The following SF3B3 variants were observed in gnomAD, a reference collection of about 807,000 sequenced individuals.
SF3B3 encodes the protein SAP 130.
Under a neutral mutation model 139.2 loss-of-function variants are expected in SF3B3, and 33 were observed. That is an observed-to-expected ratio of 0.24 (90% CI 0.18 to 0.32). The LOEUF (loss-of-function observed/expected upper bound fraction) is 0.32, where lower values mean the gene tolerates loss of function less well. Ranked by LOEUF, SF3B3 falls within the 10% of genes least tolerant of loss-of-function variation. The pLI is 1.00. For missense variants in SF3B3, 818 were observed against 1,509.4 expected (o/e 0.54, Z 7.59); for synonymous variants, 596 against 563.6 (o/e 1.06, Z -0.81).
intron 10 of SF3B3, among the ~76,000 whole-genome samples, chr16:70,548,008 C>A (rs1429059603): frequency 1.3e-5 from 2 of 152,064 alleles, no homozygotes; most frequent in African/African-American, 4.8e-5. Context: ...GGGATTTGGC[C>A]TTATGGGAGC....
rs182766448 is a variant in SF3B3, at chr16:70,555,194, C to T, written c.1698C>T (p.Phe566=). 95 of 1,613,710 alleles carry T rather than the reference C, an allele frequency of 5.9e-5. No homozygotes were observed. The highest frequency in any genetic ancestry group is 6.7e-5 in the Non-Finnish European group (79 of 1,179,722). The change falls in exon 13 of 26, where the codon TTC becomes TTT. Residue 566 remains phenylalanine, a synonymous_variant. Coordinates refer to ENST00000302516, the MANE Select transcript of SF3B3 (RefSeq NM_012426.5). The part of the protein sequence containing the change: ...IALTGGELVY[F]EMDPSGQLNE... ...TGACAGGAGGAGAGCTGGTCTATTT[C>T]GAGATGGATCCTGTATGTTATTTTA... is the stretch of plus-strand genomic sequence containing the variant.
chr16:70,558,395 A>G (rs1440597310), intron 15 of SF3B3, among the ~76,000 whole-genome samples: 1 of 151,726 alleles, frequency 6.6e-6, no homozygotes, highest in Non-Finnish European at 1.5e-5. Flanking sequence ...GTGGGAATGC[A>G]GGCATGAACC....
At position 70,568,439 on chromosome 16, in the gene SF3B3, A is replaced by G. The variant is rs773983738; in HGVS notation, c.3109A>G (p.Ser1037Gly). Residue 1037 changes from serine (S) to glycine (G), a missense_variant, in exon 22 of 26, where the codon AGC (serine) becomes GGC (glycine). Around this residue, in one of 14 missense-constraint regions of SF3B3, gnomAD observed 91 missense variants for 171.8 expected, o/e 0.53. Transcript: ENST00000302516. ...DTYPRWVTTA[S>G]LLDYDTVAGA... ...CTACCCCCGATGGGTCACTACAGCC[A>G]GCCTCCTGGACTATGACACTGTGGC... 1 of 1,613,970 alleles carries G rather than the reference A, an allele frequency of 6.2e-7. No individual in the cohort carries two copies. Among genetic ancestry groups the G allele is most frequent in the Non-Finnish European group, 8.5e-7 (1 of 1,179,934 alleles).
In SF3B3 at chr16:70,560,605, G is replaced by C. The variant is rs369817397; in HGVS notation, c.2133+14G>C. ...GGCCAGGAGGCAGTAAGTAATGAAG[G>C]TTGGGGACAGGCAACATCTTTGGGA... On this transcript the variant is annotated intron_variant, in intron 16 of 25. Transcript: ENST00000302516. 12 of 1,612,240 alleles carry C rather than the reference G, an allele frequency of 7.4e-6. No individual in the cohort carries two copies. The highest frequency in any genetic ancestry group is 9.3e-6 in the Non-Finnish European group (11 of 1,178,836).
Position 70,528,666 on chromosome 16 carries a change from G to A in SF3B3, c.71-207G>A, listed in dbSNP as rs565096498. Among the ~76,000 whole-genome samples the A allele has an allele frequency of 5.3e-5, 8 of 151,964 alleles. No individual in the cohort carries two copies. The East Asian group carries it at 1.4e-3, about 26-fold the overall frequency. On this transcript the variant is annotated intron_variant, in intron 2 of 25. Coordinates refer to ENST00000302516, the MANE Select transcript of SF3B3 (RefSeq NM_012426.5). ...GGAGTTTTGCTCTGTTGCCCAGGCCGGAGTGCAGTGGCACAGTCTTGGCTC... is the reference window on the plus strand; with the variant it reads ...GGAGTTTTGCTCTGTTGCCCAGGCCAGAGTGCAGTGGCACAGTCTTGGCTC...
intron 6 of SF3B3, among the ~76,000 whole-genome samples, chr16:70,536,165 A>AC (rs967513415): frequency 2.7e-5 from 4 of 147,450 alleles, no homozygotes; most frequent in African/African-American, 1.0e-4. Flanking sequence ...TTTCCCTCTC[A>AC]CCTTTTTTTC....
intron 9 of SF3B3, among the ~76,000 whole-genome samples, chr16:70,542,525 T>G (rs2050228908): frequency 6.6e-6 from 1 of 152,128 alleles, no homozygotes; most frequent in South Asian, 2.1e-4. Flanking sequence ...TGAGTGACCA[T>G]TAGGGACCAC....
chr16:70,549,755 T>C (rs1439942881), intron 11 of SF3B3, among the ~76,000 whole-genome samples: 2 of 152,014 alleles, frequency 1.3e-5, no homozygotes, highest in Admixed American at 6.5e-5. Context: ...TGAAACCCCA[T>C]CTCTACTAAA....
chr16:70,558,888 T>C (rs915528441), intron 15 of SF3B3, among the ~76,000 whole-genome samples: 2 of 152,214 alleles, frequency 1.3e-5, no homozygotes, highest in African/African-American at 2.4e-5. Flanking sequence ...TGAGACACCA[T>C]GCCTGGTCCT....
At chr16:70,533,240 A>G (rs1423511996) in intron 5 of SF3B3, among the ~76,000 whole-genome samples, 1 of 152,228 alleles carries the variant, frequency 6.6e-6, no homozygotes, top group Non-Finnish European at 1.5e-5. Flanking sequence ...CTATAACCCT[A>G]GCACTTTAGG....
chr16:70,565,178 T>G lies in SF3B3; in HGVS notation c.2577T>G (p.Asn859Lys). The G allele has an allele frequency of 6.2e-7, 1 of 1,614,166 alleles. No homozygotes were observed. The highest frequency in any genetic ancestry group is 8.5e-7 in the Non-Finnish European group (1 of 1,180,036). ...TCTTTGGAGCTCCCAAGGCTGGCAA[T>G]GGGCAGTGGGCCTCTGTGATCCGAG... ...ESIFGAPKAG[N>K]GQWASVIRVM... The change falls in exon 19 of 26, where the codon AAT (asparagine) becomes AAG (lysine). Residue 859 changes from asparagine (N) to lysine (K), a missense_variant. By Grantham distance (94) the Asn-to-Lys change is moderately conservative. Transcript: ENST00000302516.
intron 11 of SF3B3, chr16:70,550,580 C>A (rs1408053403): frequency 1.2e-6 from 1 of 812,906 alleles, no homozygotes; most frequent in South Asian, 5.7e-5. Flanking sequence ...GTCTTCCAGG[C>A]AAATACTAAC....
At chr16:70,563,489 G>A (rs1443364212) in intron 17 of SF3B3, among the ~76,000 whole-genome samples, 2 of 152,124 alleles carry the variant, frequency 1.3e-5, no homozygotes, top group African/African-American at 2.4e-5. Context: ...GTTCACAAAG[G>A]TATCCACTTT....
At chr16:70,553,353 G>A (rs2050346763) in intron 11 of SF3B3, among the ~76,000 whole-genome samples, 1 of 152,142 alleles carries the variant, frequency 6.6e-6, no homozygotes, top group Admixed American at 6.5e-5. Context: ...CATGTGGGTG[G>A]GTGGGTGGAC....
At chr16:70,564,127 T>G in intron 18 of SF3B3, 77 bp downstream of exon 18, 2 of 1,473,116 alleles carry the variant, frequency 1.4e-6, no homozygotes, top group Non-Finnish European at 1.8e-6. Context: ...GCCCGGCACT[T>G]TGGGAGGCTG....
intron 6 of SF3B3, 72 bp from the exon 7 acceptor site, chr16:70,538,251 G>T: frequency 1.5e-6 from 2 of 1,362,682 alleles, no homozygotes; most frequent in Non-Finnish European, 1.0e-6. Flanking sequence ...AATCCCTATT[G>T]GTAAAGTGCT....
intron 6 of SF3B3, among the ~76,000 whole-genome samples, chr16:70,536,603 C>A (rs1026568606): frequency 4.0e-5 from 6 of 151,804 alleles, no homozygotes; most frequent in East Asian, 1.9e-4. Context: ...TCGTGATCTG[C>A]CCGCCTCGGC....
intron 1 of SF3B3, among the ~76,000 whole-genome samples, chr16:70,524,299 G>GAA (rs1185455478): frequency 2.6e-5 from 4 of 152,214 alleles, no homozygotes; most frequent in East Asian, 3.9e-4. Flanking sequence ...GTAAATAACG[G>GAA]AAACAGTCTT....
intron 4 of SF3B3, 122 bp from the exon 5 acceptor site, chr16:70,532,357 C>CAAAAAAAAAAAAAAAAAAAAAAAA (rs10524385): frequency 9.8e-5 from 51 of 522,544 alleles, no homozygotes; most frequent in Middle Eastern, 9.1e-4. Context: ...CCTGTCTCTC[C>CAAAAAAAAAAAAAAAAAAAAAAAA]AAAAAAAAAA....
Sources: gnomAD v4.1 joint callset for allele counts (sites outside exome capture counted in the v4.1 genomes callset) on GRCh38, gnomAD v4.1.1 for gene constraint, gnomAD v4.1.1 regional missense constraint, MANE v1.5 for transcripts, NCBI Gene and HGNC (gene_info 2026-07-23, HGNC 2026-07-21) for gene names.